EPB41L4A: variants seen among roughly 807,000 people sequenced by gnomAD.
EPB41L4A encodes the protein band 4.1-like protein 4A.
In EPB41L4A, 100 loss-of-function variants were observed where a neutral mutation model predicts 108.6. The observed-to-expected ratio is 0.92, with a 90% CI of 0.78 to 1.09. The LOEUF (loss-of-function observed/expected upper bound fraction) is 1.09. Ranked by LOEUF, EPB41L4A falls within the 50% of genes least tolerant of loss-of-function variation. The pLI, the probability that EPB41L4A is intolerant of heterozygous loss-of-function variation, is 0.00. For missense variants in EPB41L4A, 1,030 were observed against 842.7 expected, an observed-to-expected ratio of 1.22 and a Z score of -2.75; for synonymous variants, 319 against 289.0, an observed-to-expected ratio of 1.10 and a Z score of -1.05.
chr5:112,279,047 A>G (rs1752790082), intron 3 of EPB41L4A, among the ~76,000 whole-genome samples: 1 of 144,804 alleles, frequency 6.9e-6, no homozygotes, highest in Non-Finnish European at 1.5e-5. Context: ...CCTGGGTGCC[A>G]GAGCAAGATA....
intron 20 of EPB41L4A, 107 bp from the exon 21 acceptor site, chr5:112,169,212 T>C: frequency 2.5e-6 from 2 of 794,106 alleles, no homozygotes; most frequent in Non-Finnish European, 4.3e-6. Flanking sequence ...TTCAGAGTTT[T>C]AAAAAGAACT....
chr5:112,219,587 C>G (rs544626859), intron 12 of EPB41L4A, among the ~76,000 whole-genome samples: 4 of 152,042 alleles, frequency 2.6e-5, no homozygotes, highest in Non-Finnish European at 5.9e-5. Flanking sequence ...CCATAAAGCT[C>G]TAAATGTAAA....
At chr5:112,287,561 T>G (rs1369033024) in intron 2 of EPB41L4A, among the ~76,000 whole-genome samples, 1 of 152,238 alleles carries the variant, frequency 6.6e-6, no homozygotes, top group Non-Finnish European at 1.5e-5. Flanking sequence ...CAGTTAACTC[T>G]TTTCTTCAAT....
At position 112,345,778 on chromosome 5, in the gene EPB41L4A, TATACACACACACACACACACACAC is replaced by T. The variant is rs1380834481; in HGVS notation, c.100-38312_100-38289del. On this transcript the variant is annotated intron_variant, in intron 1 of 22. Transcript: ENST00000261486. ...GCATATATATATATACATATATATATATACACACACACACACACACACACACACACACACACACACACACGCACA... is the reference window on the plus strand; with the variant it reads ...GCATATATATATATACATATATATATACACACACACACACACACACGCACA... 3.8e-5 allele frequency among the ~76,000 whole-genome samples: 5 copies of T among 130,696 alleles called. No homozygotes were observed. The South Asian group carries it at 7.5e-4, about 20-fold the overall frequency. 85.7% of individuals were successfully genotyped at this position (130,696 alleles called of 152,430 possible). A position where few individuals can be genotyped will look rare whatever the true frequency, so the allele number is the denominator to read the frequency against.
intron 12 of EPB41L4A, among the ~76,000 whole-genome samples, chr5:112,224,464 G>C (rs1240327437): frequency 6.6e-6 from 1 of 152,112 alleles, no homozygotes; most frequent in Admixed American, 6.5e-5. Context: ...TCTGTGGGCA[G>C]GTAAGTCAGA....
upstream of EPB41L4A, chr5:112,419,764 C>T: frequency 2.2e-6 from 1 of 456,784 alleles, no homozygotes; most frequent in Middle Eastern, 3.3e-4. Flanking sequence ...CTTACCCAGA[C>T]CAGCGAGGGG....
intron 2 of EPB41L4A, among the ~76,000 whole-genome samples, chr5:112,293,376 G>C (rs371834728): frequency 1.8e-4 from 18 of 98,826 alleles, no homozygotes; most frequent in African/African-American, 1.2e-3. Flanking sequence ...TTTTAATTTA[G>C]TTTAATTTAG....
At chr5:112,233,875 C>T (rs1749136432) in intron 12 of EPB41L4A, among the ~76,000 whole-genome samples, 2 of 152,228 alleles carry the variant, frequency 1.3e-5, no homozygotes, top group Admixed American at 6.5e-5. Context: ...ATCACCCAGG[C>T]TGGAGTGTAG....
At chr5:112,172,677 A>G (rs1014054349) in intron 18 of EPB41L4A, among the ~76,000 whole-genome samples, 30 of 152,188 alleles carry the variant, frequency 2.0e-4, no homozygotes, top group African/African-American at 6.8e-4. Flanking sequence ...ATTAAAAAGC[A>G]CTAAGGTGTT....
At chr5:112,369,522 T>C (rs947038080) in intron 1 of EPB41L4A, among the ~76,000 whole-genome samples, 4 of 152,238 alleles carry the variant, frequency 2.6e-5, no homozygotes, top group African/African-American at 9.6e-5. Context: ...TGTATTCTAT[T>C]CTTGGTCTTC....
chr5:112,394,834 A>G (rs1761221453), intron 1 of EPB41L4A, among the ~76,000 whole-genome samples: 2 of 152,342 alleles, frequency 1.3e-5, no homozygotes, highest in Admixed American at 6.5e-5. Flanking sequence ...TAGCTACCTG[A>G]CTTCAAACTA....
chr5:112,179,117 A>T (rs762728902), intron 18 of EPB41L4A, among the ~76,000 whole-genome samples: 1 of 152,058 alleles, frequency 6.6e-6, no homozygotes, highest in Non-Finnish European at 1.5e-5. Flanking sequence ...TAAAAATGAA[A>T]TTATTTTAAA....
chr5:112,314,536 A>AAAAG (rs1755294072), intron 1 of EPB41L4A, among the ~76,000 whole-genome samples: 33 of 113,628 alleles, frequency 2.9e-4, no homozygotes, highest in African/African-American at 1.1e-3. Flanking sequence ...AAAAAAAAAA[A>AAAAG]AAGAAAAGAA....
In EPB41L4A at chr5:112,164,882, G is replaced by A; in HGVS notation, c.*108C>T. On this transcript the variant is annotated 3_prime_UTR_variant, in exon 23 of 23. Coordinates refer to ENST00000261486, the MANE Select transcript of EPB41L4A (RefSeq NM_022140.5). Reference sequence around the variant, plus strand: ...AGATAATGTATTTTCTCATGCTGAAGAAATACTTGCAGGTCTGAGATTTGA... The same window carrying A: ...AGATAATGTATTTTCTCATGCTGAAAAAATACTTGCAGGTCTGAGATTTGA... The A allele has an allele frequency of 9.9e-7, 1 of 1,007,744 alleles. No individual in the cohort carries two copies. The highest frequency in any genetic ancestry group is 1.4e-6 in the Non-Finnish European group (1 of 721,258). 62.4% of individuals were successfully genotyped at this position (1,007,744 alleles called of 1,614,324 possible). A position where few individuals can be genotyped will look rare whatever the true frequency, so the allele number is the denominator to read the frequency against.
intron 12 of EPB41L4A, among the ~76,000 whole-genome samples, chr5:112,219,981 C>T (rs1747934822): frequency 6.6e-6 from 1 of 152,214 alleles, no homozygotes; most frequent in South Asian, 2.1e-4. Flanking sequence ...CAGGCATCAG[C>T]CACTGTGCCC....
chr5:112,337,011 A>G (rs1030745209), intron 1 of EPB41L4A, among the ~76,000 whole-genome samples: 8 of 152,184 alleles, frequency 5.3e-5, no homozygotes, highest in Admixed American at 2.6e-4. Context: ...CCAAACAACA[A>G]CAGCTACCTG....
intron 17 of EPB41L4A, among the ~76,000 whole-genome samples, chr5:112,193,210 T>A (rs1044721504): frequency 6.6e-6 from 1 of 152,206 alleles, no homozygotes; most frequent in African/African-American, 2.4e-5. Context: ...GATCACTGAT[T>A]CAATTTGTGC....
intron 1 of EPB41L4A, among the ~76,000 whole-genome samples, chr5:112,354,524 G>C (rs57778181): frequency 0.069 from 10,573 of 152,176 alleles, 1,012 homozygotes; most frequent in African/African-American, 0.22. Flanking sequence ...AATTTAGTTA[G>C]ATAAGGAAGG....
intron 1 of EPB41L4A, among the ~76,000 whole-genome samples, chr5:112,375,323 GCACACACACACATACACA>G (rs1171999916): frequency 7.0e-5 from 10 of 142,456 alleles, no homozygotes; most frequent in Non-Finnish European, 1.4e-4. Flanking sequence ...TCTCTCTCTC[GCACACACACACATACACA>G]CACACACACA....
Sources: allele counts gnomAD v4.1 joint callset (sites outside exome capture counted in the v4.1 genomes callset), GRCh38; gene constraint gnomAD v4.1.1; transcripts MANE v1.5; gene names NCBI Gene and HGNC (gene_info 2026-07-23, HGNC 2026-07-21).